NACC2: variants seen among roughly 807,000 people sequenced by gnomAD.
NACC2 encodes nucleus accumbens-associated protein 2.
Under a neutral mutation model 25.1 loss-of-function variants are expected in NACC2, and 8 were observed. That is an observed-to-expected ratio of 0.32 (90% CI 0.19 to 0.57). The LOEUF is 0.57. Ranked by LOEUF, NACC2 falls within the 20% of genes least tolerant of loss-of-function variation. The probability of loss-of-function intolerance (pLI) is 0.89; values close to 1 mark genes in which losing one functional copy is unlikely to be tolerated. For synonymous variants in NACC2, 435 were observed against 294.7 expected (o/e 1.48, Z -4.88); for missense variants, 644 against 650.2 (o/e 0.99, Z 0.10).
At chr9:136,012,542 G>A (rs1011345969) in intron 5 of NACC2, among the ~76,000 whole-genome samples, 1 of 152,226 alleles carries the variant, frequency 6.6e-6, no homozygotes, top group Admixed American at 6.5e-5. Flanking sequence ...CGTCCACCTC[G>A]GTCCCTCCCA....
chr9:136,094,445 C>A (rs1830465901), intron 1 of NACC2, among the ~76,000 whole-genome samples: 1 of 152,204 alleles, frequency 6.6e-6, no homozygotes, highest in African/African-American at 2.4e-5. Flanking sequence ...GAAACTCCGT[C>A]GGAAGGCCTC....
chr9:136,086,344 G>A lies in NACC2; in HGVS notation c.-60+8845C>T, dbSNP rs143094913. ...GGGTTTGGGGGGTGGGGGTGCCTCTGTTTTCCTGCATCATCAGGAGCCTGG... is the reference window on the plus strand; with the variant it reads ...GGGTTTGGGGGGTGGGGGTGCCTCTATTTTCCTGCATCATCAGGAGCCTGG... On this transcript the variant is annotated intron_variant, in intron 1 of 5. Coordinates refer to ENST00000277554, the MANE Select transcript of NACC2 (RefSeq NM_144653.5). This position sits in a 1 kb window ranked among gnomAD's most constrained non-coding sequence, Gnocchi z 5.6. Among the ~76,000 whole-genome samples the A allele has an allele frequency of 3.2e-4, 49 of 152,310 alleles. No homozygotes were observed. In the East Asian group the frequency reaches 8.9e-3, roughly 28 times the overall value.
intron 1 of NACC2, among the ~76,000 whole-genome samples, chr9:136,080,415 A>G (rs1055320440): frequency 6.6e-6 from 1 of 152,194 alleles, no homozygotes; most frequent in Non-Finnish European, 1.5e-5. Flanking sequence ...TCTATTAAAA[A>G]TACAAAATTA....
Position 136,084,714 on chromosome 9 carries a change from A to G in NACC2, c.-60+10475T>C, listed in dbSNP as rs1037419913. On this transcript the variant is annotated intron_variant, in intron 1 of 5. Coordinates refer to ENST00000277554, the MANE Select transcript of NACC2 (RefSeq NM_144653.5). The surrounding 1 kb of genome is among the most constrained non-coding windows in gnomAD (Gnocchi z 5.1). ...CCGCCAATGGGTGACAGTCAAAGGA[A>G]ATGGCGGCGGGCGCACACACACACA... Among the ~76,000 whole-genome samples the G allele has an allele frequency of 3.3e-5, 5 of 152,212 alleles. No homozygotes were observed. Among genetic ancestry groups the G allele is most frequent in the African/African-American group, 1.2e-4 (5 of 41,462 alleles).
At chr9:136,021,170 C>A (rs958032547) in intron 2 of NACC2, among the ~76,000 whole-genome samples, 1 of 152,196 alleles carries the variant, frequency 6.6e-6, no homozygotes, top group Non-Finnish European at 1.5e-5. Flanking sequence ...ATAAAGAAAT[C>A]TCGATACTCA....
At chr9:136,070,054 A>G (rs1841131512) in intron 1 of NACC2, among the ~76,000 whole-genome samples, 1 of 151,924 alleles carries the variant, frequency 6.6e-6, no homozygotes, top group Non-Finnish European at 1.5e-5. Flanking sequence ...TCTGGGCCAG[A>G]AAGAAAACTT....
rs938624845 is a variant in NACC2 at position 136,022,422 on chromosome 9, G to C, written c.887-5993C>G. ...ACCACAACTTGCTTCCCAGCTCCCC[G>C]CCCAGGTGCCTCCTGATGGCCAGAG... On this transcript the variant is annotated intron_variant, in intron 2 of 5. Transcript: ENST00000277554. The surrounding 1 kb of genome is among the most constrained non-coding windows in gnomAD (Gnocchi z 4.4). Among the ~76,000 whole-genome samples the C allele has an allele frequency of 6.6e-6, 1 of 152,192 alleles. No homozygotes were observed. The highest frequency in any genetic ancestry group is 2.4e-5 in the African/African-American group (1 of 41,442).
chr9:136,080,098 G>T lies in NACC2; in HGVS notation c.-60+15091C>A, dbSNP rs529399634. ...CAGAGACACACAGTCCCTACCCCGG[G>T]CGTGGCTGCCAGCCAAAGCCCATGC... On this transcript the variant is annotated intron_variant, in intron 1 of 5. Coordinates refer to ENST00000277554, the MANE Select transcript of NACC2 (RefSeq NM_144653.5). Among the ~76,000 whole-genome samples the T allele has an allele frequency of 2.3e-4, 35 of 152,318 alleles. No homozygotes were observed. In the South Asian group the frequency reaches 7.2e-3, roughly 32 times the overall value.
Position 136,084,725 on chromosome 9 carries a change from G to A in NACC2, c.-60+10464C>T, listed in dbSNP as rs1830360555. ...TGACAGTCAAAGGAAATGGCGGCGG[G>A]CGCACACACACACATACATCACGCA... On this transcript the variant is annotated intron_variant, in intron 1 of 5. Coordinates refer to ENST00000277554, the MANE Select transcript of NACC2 (RefSeq NM_144653.5). The surrounding 1 kb of genome is among the most constrained non-coding windows in gnomAD (Gnocchi z 5.1). Among the ~76,000 whole-genome samples, 1 of 152,234 alleles carries A rather than the reference G, an allele frequency of 6.6e-6. No individual in the cohort carries two copies. The highest frequency in any genetic ancestry group is 1.5e-5 in the Non-Finnish European group (1 of 68,042).
chr9:136,017,153 C>T (rs1419614137), intron 2 of NACC2, among the ~76,000 whole-genome samples: 1 of 152,180 alleles, frequency 6.6e-6, no homozygotes, highest in East Asian at 1.9e-4. Flanking sequence ...AGCCCTCCTG[C>T]TGTCTGGGGC....
At position 136,006,717 on chromosome 9, in the gene NACC2, G is replaced by A. The variant is rs1840017487; in HGVS notation, c.*4799C>T. Reference sequence around the variant, plus strand: ...TTTCAGTTTTAGTTATTGATACAATGTCAGCCATGGCTAAAAAGTAACAGT... The same window carrying A: ...TTTCAGTTTTAGTTATTGATACAATATCAGCCATGGCTAAAAAGTAACAGT... On this transcript the variant is annotated 3_prime_UTR_variant, in exon 6 of 6. Coordinates refer to ENST00000277554, the MANE Select transcript of NACC2 (RefSeq NM_144653.5). The A allele has an allele frequency of 6.6e-6, 1 of 152,026 alleles. No homozygotes were observed. The highest frequency in any genetic ancestry group is 1.5e-5 in the Non-Finnish European group (1 of 68,028). The allele number at this position is 152,026 out of a possible 1,614,324, so 9.4% of individuals were successfully genotyped here.
chr9:136,070,992 G>A (rs1289952480), intron 1 of NACC2, among the ~76,000 whole-genome samples: 1 of 151,730 alleles, frequency 6.6e-6, no homozygotes, highest in African/African-American at 2.4e-5. Flanking sequence ...CACTTTGGGA[G>A]GCTGAGGTAG....
rs916540248 is a variant in NACC2 at position 136,013,737 on chromosome 9, G to T, written c.1157+127C>A. 1 of 799,736 alleles carries T rather than the reference G, an allele frequency of 1.3e-6. No individual in the cohort carries two copies. Among genetic ancestry groups the T allele is most frequent in the South Asian group, 1.8e-5 (1 of 55,728 alleles). 49.5% of individuals were successfully genotyped at this position (799,736 alleles called of 1,614,324 possible). ...CACCGTCCTGGGGCCGACCGGCCAC[G>T]GCTGAAGTCAGGAATGCGAGAGGGC... On this transcript the variant is annotated intron_variant, in intron 4 of 5. Coordinates refer to ENST00000277554, the MANE Select transcript of NACC2 (RefSeq NM_144653.5). This position sits in a 1 kb window ranked among gnomAD's most constrained non-coding sequence, Gnocchi z 6.6.
rs1830478589 is a variant in NACC2, at chr9:136,095,236, C to T, written c.-107G>A. The T allele has an allele frequency of 6.8e-6, 1 of 147,402 alleles. No individual in the cohort carries two copies. The highest frequency in any genetic ancestry group is 6.7e-5 in the Admixed American group (1 of 14,860). The allele number at this position is 147,402 out of a possible 1,614,324, so 9.1% of individuals were successfully genotyped here. On this transcript the variant is annotated 5_prime_UTR_variant, in exon 1 of 6. Transcript: ENST00000277554. ...GGCCTGGGCAGCTGCGGCGCGCCGCCCGCGGCAGGAAGTGCTTGGCGTCCC... is the reference window on the plus strand; with the variant it reads ...GGCCTGGGCAGCTGCGGCGCGCCGCTCGCGGCAGGAAGTGCTTGGCGTCCC...
chr9:136,062,321 C>T (rs181748237), intron 1 of NACC2, among the ~76,000 whole-genome samples: 23 of 152,300 alleles, frequency 1.5e-4, no homozygotes, highest in African/African-American at 5.3e-4. Flanking sequence ...TTTGACCTGC[C>T]ATCTACCCGG....
At chr9:136,014,030 C>G in intron 3 of NACC2, 61 bp from the exon 4 acceptor site, 2 of 1,000,618 alleles carry the variant, frequency 2.0e-6, no homozygotes, top group Non-Finnish European at 1.4e-6. Flanking sequence ...TCCGAAGAGG[C>G]GCACAGATGG....
In NACC2 at chr9:136,063,502, C is replaced by T. The variant is rs77387780; in HGVS notation, c.-59-12922G>A. On this transcript the variant is annotated intron_variant, in intron 1 of 5. Coordinates refer to ENST00000277554, the MANE Select transcript of NACC2 (RefSeq NM_144653.5). ...CGAGCCTGCAAGTTCTCTGCATGTC[C>T]ATCACCAGGACCAGGACGAGCCTTT... Among the ~76,000 whole-genome samples the T allele has an allele frequency of 6.0e-4, 91 of 152,320 alleles. 2 individuals are homozygous for T. In the East Asian group the frequency reaches 0.017, roughly 28 times the overall value.
Position 136,077,049 on chromosome 9 carries a change from G to A in NACC2, c.-60+18140C>T, listed in dbSNP as rs528519656. Reference sequence around the variant, plus strand: ...AAATAAAATAGCCGGGTGTGGTGGCGGGCGCCTGTAGTCCCAGCCACTTGG... The same window carrying A: ...AAATAAAATAGCCGGGTGTGGTGGCAGGCGCCTGTAGTCCCAGCCACTTGG... On this transcript the variant is annotated intron_variant, in intron 1 of 5. Transcript: ENST00000277554. Among the ~76,000 whole-genome samples, 64 of 151,590 alleles carry A rather than the reference G, an allele frequency of 4.2e-4. 1 individual carries two copies. Among genetic ancestry groups the A allele is most frequent in the African/African-American group, 1.4e-3 (56 of 41,138 alleles).
At position 136,018,129 on chromosome 9, in the gene NACC2, A is replaced by C. The variant is rs1201564670; in HGVS notation, c.887-1700T>G. Among the ~76,000 whole-genome samples, 1 of 152,092 alleles carries C rather than the reference A, an allele frequency of 6.6e-6. No homozygotes were observed. The highest frequency in any genetic ancestry group is 1.9e-4 in the East Asian group (1 of 5,166). ...GGGCAGGCAGCTCCATGCAGAGCCCACCTGCGGCCGCACCGCACCAGGACG... is the reference window on the plus strand; with the variant it reads ...GGGCAGGCAGCTCCATGCAGAGCCCCCCTGCGGCCGCACCGCACCAGGACG... On this transcript the variant is annotated intron_variant, in intron 2 of 5. Coordinates refer to ENST00000277554, the MANE Select transcript of NACC2 (RefSeq NM_144653.5). This position sits in a 1 kb window ranked among gnomAD's most constrained non-coding sequence, Gnocchi z 4.4.
Sources: gnomAD v4.1 joint callset for allele counts (sites outside exome capture counted in the v4.1 genomes callset) on GRCh38, gnomAD v4.1.1 for gene constraint, Gnocchi (gnomAD v3.1) non-coding constraint, MANE v1.5 for transcripts, NCBI Gene and HGNC (gene_info 2026-07-23, HGNC 2026-07-21) for gene names.